The following COL12A1 variants were observed in gnomAD, a reference collection of about 807,000 sequenced individuals.
The protein encoded by COL12A1 is collagen alpha-1(XII) chain.
Under a neutral mutation model 349.7 loss-of-function variants are expected in COL12A1, and 114 were observed. The observed-to-expected ratio is 0.33, with a 90% CI of 0.28 to 0.38. The LOEUF is 0.38. Ranked by LOEUF, COL12A1 falls within the 10% of genes least tolerant of loss-of-function variation. COL12A1 has a pLI of 1.00. For missense variants in COL12A1, 3,284 were observed against 3,756.9 expected (o/e 0.87, Z 3.29); for synonymous variants, 1,369 against 1,329.0 (o/e 1.03, Z -0.66).
Position 75,090,096 on chromosome 6 carries a change from C to A in COL12A1, c.8941+14G>T, listed in dbSNP as rs1362916160. ...TCCTTCCTTTATCCCAATACAGAAG[C>A]CAGAAATGCCTACCTCGTTCCCCAG... On this transcript the variant is annotated intron_variant, in intron 63 of 65. Transcript: ENST00000322507. The surrounding 1 kb of genome is among the most constrained non-coding windows in gnomAD (Gnocchi z 4.1). 6.2e-7 allele frequency: 1 copy of A among 1,612,110 alleles called. No individual in the cohort carries two copies. Among genetic ancestry groups the A allele is most frequent in the Admixed American group, 1.7e-5 (1 of 59,964 alleles).
In COL12A1 at chr6:75,163,443, A is replaced by G. The variant is rs533189535; in HGVS notation, c.2983+2064T>C. 6.2e-4 allele frequency among the ~76,000 whole-genome samples: 95 copies of G among 152,282 alleles called. 1 individual carries two copies. Among genetic ancestry groups the G allele is most frequent in the African/African-American group, 2.2e-3 (90 of 41,548 alleles). ...AACCAAACACCATATGTTCTCACTC[A>G]TAAGTGGGAGTTGAACAATAAGAAT... On this transcript the variant is annotated intron_variant, in intron 14 of 65. Coordinates refer to ENST00000322507, the MANE Select transcript of COL12A1 (RefSeq NM_004370.6).
At chr6:75,094,566 A>G (rs1042504780) in intron 60 of COL12A1, among the ~76,000 whole-genome samples, 9 of 152,330 alleles carry the variant, frequency 5.9e-5, no homozygotes, top group African/African-American at 2.2e-4. Context: ...GCATAAGAGA[A>G]AGTTAAATGG....
At chr6:75,093,774 A>G (rs1455732492) in intron 60 of COL12A1, among the ~76,000 whole-genome samples, 1 of 152,086 alleles carries the variant, frequency 6.6e-6, no homozygotes, top group East Asian at 1.9e-4. Context: ...CCTATTGTTC[A>G]TGATTTGTAG....
rs1465674511 is a variant in COL12A1 at position 75,165,680 on chromosome 6, A to G, written c.2810T>C (p.Val937Ala). ...ATCATCATAAAGTGATTTCCATGAG[A>G]CCCTGTAACCGCGAACCATTCCTGG... Reference protein sequence around the residue: ...SAPGMVRGYRVSWKSLYDDVD... With the variant: ...SAPGMVRGYRASWKSLYDDVD... The change falls in exon 14 of 66, where the codon GTC becomes GCC. Residue 937 changes from valine to alanine, a missense_variant. Transcript: ENST00000322507. 2 of 1,613,970 alleles carry G rather than the reference A, an allele frequency of 1.2e-6. No individual in the cohort carries two copies. The highest frequency in any genetic ancestry group is 2.7e-5 in the African/African-American group (2 of 75,020).
At chr6:75,169,029 TG>T (rs1562265664) in intron 13 of COL12A1, among the ~76,000 whole-genome samples, 1 of 152,204 alleles carries the variant, frequency 6.6e-6, no homozygotes, top group Non-Finnish European at 1.5e-5. Flanking sequence ...CACATCTCCA[TG>T]GACACATGTG....
chr6:75,087,453 AACT>A, intron 65 of COL12A1, 121 bp downstream of exon 65: 1 of 853,088 alleles, frequency 1.2e-6, no homozygotes, highest in South Asian at 1.7e-5. Flanking sequence ...ATATAATCAG[AACT>A]GAAAGAGTTG....
chr6:75,183,480 A>G lies in COL12A1; in HGVS notation c.1461T>C (p.Asp487=). The G allele has an allele frequency of 6.2e-7, 1 of 1,614,224 alleles. No individual in the cohort carries two copies. Among genetic ancestry groups the G allele is most frequent in the Middle Eastern group, 1.6e-4 (1 of 6,062 alleles). The part of the protein sequence containing the change: ...VQISLVQYSR[D]PHTEFTLKKF... ...TTTTCAAAGTGAACTCAGTATGAGG[A>G]TCCCGGCTGTATTGCACAAGACTAA... is the stretch of plus-strand genomic sequence containing the variant. Residue 487 remains aspartate (D), a synonymous_variant, in exon 10 of 66, where the codon GAT becomes GAC. Transcript: ENST00000322507.
chr6:75,171,534 A>G (rs1768632997), intron 13 of COL12A1, among the ~76,000 whole-genome samples: 1 of 152,240 alleles, frequency 6.6e-6, no homozygotes, highest in Non-Finnish European at 1.5e-5. Flanking sequence ...AATGCATTTG[A>G]GGTAATCTAT....
intron 58 of COL12A1, 22 bp downstream of exon 58, chr6:75,101,578 T>G (rs1768304525): frequency 1.9e-6 from 3 of 1,608,694 alleles, no homozygotes; most frequent in African/African-American, 2.7e-5. Flanking sequence ...AACATCATTG[T>G]AGCCTGCTCA....
chr6:75,157,919 C>A (rs1420775005), intron 14 of COL12A1, among the ~76,000 whole-genome samples: 1 of 152,020 alleles, frequency 6.6e-6, no homozygotes, highest in African/African-American at 2.4e-5. Context: ...GTGATTGTCT[C>A]AATAATGGGG....
chr6:75,174,996 C>T (rs770745679), intron 13 of COL12A1, 42 bp downstream of exon 13: 5 of 1,605,042 alleles, frequency 3.1e-6, no homozygotes, highest in Middle Eastern at 3.3e-4. Context: ...GGCAGCACCA[C>T]AAACAAGTTC....
At chr6:75,125,060 A>G in intron 40 of COL12A1, 67 bp downstream of exon 40, 19 of 1,441,524 alleles carry the variant, frequency 1.3e-5, no homozygotes, top group Non-Finnish European at 1.8e-5. Context: ...ACAGGAAATT[A>G]AAACAGGCTG....
chr6:75,200,254 C>T (rs1477138880), intron 2 of COL12A1, among the ~76,000 whole-genome samples: 1 of 152,128 alleles, frequency 6.6e-6, no homozygotes, highest in East Asian at 1.9e-4. Flanking sequence ...CGGAAGCAAC[C>T]AGACATCTGT....
intron 17 of COL12A1, 25 bp downstream of exon 17, chr6:75,154,391 C>A (rs759924814): frequency 4.4e-6 from 7 of 1,604,476 alleles, no homozygotes; most frequent in South Asian, 1.1e-5. Context: ...TTGTTTTCCT[C>A]AAGGAATGTA....
chr6:75,156,650 T>C (rs2149424961), intron 14 of COL12A1, 127 bp from the exon 15 acceptor site: 2 of 858,764 alleles, frequency 2.3e-6, no homozygotes, highest in Non-Finnish European at 3.5e-6. Context: ...TTGCTTAGCA[T>C]TGTAATCTCT....
intron 15 of COL12A1, 56 bp downstream of exon 15, chr6:75,156,201 T>A: frequency 6.3e-7 from 1 of 1,586,782 alleles, no homozygotes; most frequent in Non-Finnish European, 8.6e-7. Flanking sequence ...CATACCAAAG[T>A]CATCTTTTAA....
At chr6:75,115,404 G>A (rs536260180) in intron 49 of COL12A1, among the ~76,000 whole-genome samples, 3 of 152,106 alleles carry the variant, frequency 2.0e-5, no homozygotes, top group South Asian at 2.1e-4. Context: ...TCTAGAGGTC[G>A]GAAACACTAA....
Position 75,128,405 on chromosome 6 carries a change from T to G in COL12A1, c.6231A>C (p.Arg2077Ser), listed in dbSNP as rs1766123742. The G allele has an allele frequency of 3.1e-6, 5 of 1,603,956 alleles. No individual in the cohort carries two copies. In the South Asian group the frequency reaches 5.6e-5, roughly 18 times the overall value. The change falls in exon 38 of 66, where the codon AGA becomes AGC. Residue 2077 changes from arginine to serine, a missense_variant. Coordinates refer to ENST00000322507, the MANE Select transcript of COL12A1 (RefSeq NM_004370.6). Reference sequence around the variant, plus strand: ...GCAGGGGCTGCAGTATTACATTGTTTCTTCTGCCTGGGACTGTGGTCTATA... The same window carrying G: ...GCAGGGGCTGCAGTATTACATTGTTGCTTCTGCCTGGGACTGTGGTCTATA... Reference protein sequence around the residue: ...IDEYTTVPGRRNNVILQPLQP... With the variant: ...IDEYTTVPGRSNNVILQPLQP...
Position 75,101,620 on chromosome 6 carries a change from T to C in COL12A1, c.8503A>G (p.Met2835Val), listed in dbSNP as rs1582048955. Residue 2835 changes from methionine (M) to valine (V), a missense_variant, in exon 58 of 66, where the codon ATG becomes GTG. Met to Val is a conservative substitution (Grantham distance 21, BLOSUM62 1). This residue lies in a region of COL12A1 where 683 missense variants were observed against 932.1 expected (regional missense o/e 0.73). Coordinates refer to ENST00000322507, the MANE Select transcript of COL12A1 (RefSeq NM_004370.6). ...CTTACTCTGTCTCCTGGAGGTCCCA[T>C]TGGTCCTGGTGGGCCAGGTAATCCT... ...TPGLPGPPGP[M>V]GPPGDRGFTG... The C allele has an allele frequency of 1.2e-6, 2 of 1,613,948 alleles. No homozygotes were observed. Among genetic ancestry groups the C allele is most frequent in the South Asian group, 2.2e-5 (2 of 91,066 alleles).
Sources: allele counts gnomAD v4.1 joint callset (sites outside exome capture counted in the v4.1 genomes callset), GRCh38; gene constraint gnomAD v4.1.1; regional missense constraint gnomAD v4.1.1; non-coding constraint Gnocchi (gnomAD v3.1); transcripts MANE v1.5; gene names NCBI Gene and HGNC (gene_info 2026-07-23, HGNC 2026-07-21).